EXOC6B: variants seen among roughly 807,000 people sequenced by gnomAD.
EXOC6B encodes the protein exocyst complex component 6B.
EXOC6B carries 54 observed loss-of-function variants against 113.5 expected under a neutral mutation model. That is an observed-to-expected ratio of 0.48 (90% confidence interval 0.38 to 0.60). The LOEUF is 0.60. Ranked by LOEUF, EXOC6B falls within the 20% of genes least tolerant of loss-of-function variation. The probability of loss-of-function intolerance (pLI) is 0.00; values close to 1 mark genes in which losing one functional copy is unlikely to be tolerated. For missense variants in EXOC6B, 797 were observed against 977.5 expected, an observed-to-expected ratio of 0.82 and a Z score of 2.46; for synonymous variants, 357 against 339.0, an observed-to-expected ratio of 1.05 and a Z score of -0.58.
chr2:72,226,358 T>C (rs1681239419), intron 20 of EXOC6B, among the ~76,000 whole-genome samples: 1 of 152,202 alleles, frequency 6.6e-6, no homozygotes, highest in South Asian at 2.1e-4. Context: ...TAGGAGAAAC[T>C]GAGTAAGGGC....
chr2:72,316,538 G>C (rs1687524420), intron 20 of EXOC6B, among the ~76,000 whole-genome samples: 1 of 152,322 alleles, frequency 6.6e-6, no homozygotes, highest in Admixed American at 6.5e-5. Context: ...GGAGGAAAAT[G>C]ATGAATCTAT....
chr2:72,558,363 C>T (rs1396120362), intron 8 of EXOC6B, among the ~76,000 whole-genome samples: 1 of 151,990 alleles, frequency 6.6e-6, no homozygotes, highest in Non-Finnish European at 1.5e-5. Flanking sequence ...AGGAAACTAC[C>T]TGATTTTTAA....
Position 72,184,107 on chromosome 2 carries a change from T to A in EXOC6B, c.2277A>T (p.Val759=). Residue 759 remains valine, a synonymous_variant, in exon 21 of 22, where the codon GTA becomes GTT. Transcript: ENST00000272427. ...YGQPNCKYLR[V]NPVTALTLLE... Reference sequence around the variant, plus strand: ...GCAGGGTCAGAGCAGTCACTGGGTTTACCCGGAGGTACTTGCAGTTGGGCT... The same window carrying A: ...GCAGGGTCAGAGCAGTCACTGGGTTAACCCGGAGGTACTTGCAGTTGGGCT... 1 of 1,565,208 alleles carries A rather than the reference T, an allele frequency of 6.4e-7. No homozygotes were observed. The highest frequency in any genetic ancestry group is 8.7e-7 in the Non-Finnish European group (1 of 1,154,064).
At chr2:72,238,224 T>C (rs1169006899) in intron 20 of EXOC6B, among the ~76,000 whole-genome samples, 1 of 152,234 alleles carries the variant, frequency 6.6e-6, no homozygotes, top group African/African-American at 2.4e-5. Context: ...CTCATTCATG[T>C]TGTGGCACAC....
chr2:72,679,423 C>A (rs1433237890), intron 6 of EXOC6B, among the ~76,000 whole-genome samples: 1 of 152,082 alleles, frequency 6.6e-6, no homozygotes, highest in African/African-American at 2.4e-5. Context: ...TTTGAATGGG[C>A]CTCAGATTAG....
At chr2:72,499,828 C>A in intron 12 of EXOC6B, 73 bp downstream of exon 12, 5 of 1,043,782 alleles carry the variant, frequency 4.8e-6, no homozygotes, top group South Asian at 1.4e-5. Flanking sequence ...GCCACCAGAC[C>A]CAGTCAAGAA....
intron 20 of EXOC6B, among the ~76,000 whole-genome samples, chr2:72,260,630 G>A (rs972621573): frequency 1.3e-5 from 2 of 152,108 alleles, no homozygotes; most frequent in Non-Finnish European, 2.9e-5. Flanking sequence ...CAAGGGGAGT[G>A]GGGGAGTAAA....
chr2:72,496,393 A>G, intron 14 of EXOC6B, 61 bp downstream of exon 14: 2 of 972,294 alleles, frequency 2.1e-6, no homozygotes, highest in Non-Finnish European at 3.2e-6. Context: ...AACTGATCCA[A>G]TGAAAGCTTT....
At chr2:72,578,673 G>A (rs1380663475) in intron 6 of EXOC6B, among the ~76,000 whole-genome samples, 1 of 152,002 alleles carries the variant, frequency 6.6e-6, no homozygotes, top group African/African-American at 2.4e-5. Context: ...ATAAGATGGA[G>A]ACCCTGACCC....
intron 20 of EXOC6B, among the ~76,000 whole-genome samples, chr2:72,217,023 C>T (rs530654083): frequency 8.7e-5 from 12 of 138,572 alleles, no homozygotes; most frequent in African/African-American, 2.8e-4. Context: ...CCAGCCTGGG[C>T]GACTCCATAT....
chr2:72,410,312 C>A (rs192550285), intron 18 of EXOC6B, among the ~76,000 whole-genome samples: 1 of 152,102 alleles, frequency 6.6e-6, no homozygotes, highest in Non-Finnish European at 1.5e-5. Context: ...CTTGATGGAA[C>A]GTTTCTGAAA....
In EXOC6B at chr2:72,228,471, C is replaced by T. The variant is rs533002307; in HGVS notation, c.2197-44284G>A. ...TGTGATGTTCCCCTTCCTGTGTCCA[C>T]GTGTTCTCATTGTTCAATTCCCACC... On this transcript the variant is annotated intron_variant, in intron 20 of 21. Transcript: ENST00000272427. Among the ~76,000 whole-genome samples, 108 of 148,520 alleles carry T rather than the reference C, an allele frequency of 7.3e-4. 2 individuals carry two copies. The South Asian group carries it at 0.021, about 29-fold the overall frequency.
intron 6 of EXOC6B, among the ~76,000 whole-genome samples, chr2:72,629,177 C>T (rs1672239959): frequency 6.6e-6 from 1 of 152,162 alleles, no homozygotes; most frequent in South Asian, 2.1e-4. Context: ...CTTATATTCC[C>T]TTGAACTGTG....
At chr2:72,197,640 A>T (rs17007934) in intron 20 of EXOC6B, among the ~76,000 whole-genome samples, 13,817 of 151,962 alleles carry the variant, frequency 0.091, 1,037 homozygotes, top group African/African-American at 0.21. Context: ...CTGGATTGGG[A>T]TGGCAACAAC....
At chr2:72,579,874 A>G (rs1286457844) in intron 6 of EXOC6B, among the ~76,000 whole-genome samples, 1 of 152,158 alleles carries the variant, frequency 6.6e-6, no homozygotes, top group Non-Finnish European at 1.5e-5. Context: ...TATAGGCTTC[A>G]ATAACAGGGG....
chr2:72,554,431 G>C (rs1703418378), intron 8 of EXOC6B, among the ~76,000 whole-genome samples: 4 of 152,208 alleles, frequency 2.6e-5, no homozygotes, highest in Admixed American at 1.3e-4. Flanking sequence ...GAAGTGATTA[G>C]ATTATGGGGG....
At chr2:72,606,305 C>T (rs182266331) in intron 6 of EXOC6B, among the ~76,000 whole-genome samples, 3 of 152,094 alleles carry the variant, frequency 2.0e-5, no homozygotes, top group Non-Finnish European at 4.4e-5. Context: ...TATATACCAC[C>T]ACTGCATATA....
chr2:72,663,741 G>A (rs1675186144), intron 6 of EXOC6B, among the ~76,000 whole-genome samples: 2 of 152,062 alleles, frequency 1.3e-5, no homozygotes, highest in African/African-American at 4.8e-5. Context: ...AGGACTTTTA[G>A]GGCAGTGAAA....
At chr2:72,315,341 G>A (rs181063394) in intron 20 of EXOC6B, among the ~76,000 whole-genome samples, 1 of 149,496 alleles carries the variant, frequency 6.7e-6, no homozygotes, top group East Asian at 2.0e-4. Context: ...AAGGGTGTAT[G>A]TGTGTGTGTG....
Sources: allele counts gnomAD v4.1 joint callset (sites outside exome capture counted in the v4.1 genomes callset), GRCh38; gene constraint gnomAD v4.1.1; transcripts MANE v1.5; gene names NCBI Gene and HGNC (gene_info 2026-07-23, HGNC 2026-07-21).